The following NEBL variants were observed in gnomAD, a reference collection of about 807,000 sequenced individuals.
NEBL encodes the protein LIM and SH3 protein 2.
Under a neutral mutation model 140.2 loss-of-function variants are expected in NEBL, and 122 were observed. That is an observed-to-expected ratio of 0.87 (90% CI 0.75 to 1.01). The LOEUF (loss-of-function observed/expected upper bound fraction) is 1.01, where lower values mean the gene tolerates loss of function less well. NEBL is among the 50% of genes least tolerant of loss of function. The pLI, the probability that NEBL is intolerant of heterozygous loss-of-function variation, is 0.00. For synonymous variants in NEBL, 436 were observed against 398.9 expected (o/e 1.09, Z -1.11); for missense variants, 1,365 against 1,231.3 (o/e 1.11, Z -1.62).
chr10:21,070,102 C>G (rs1342963549), intron 2 of NEBL: 1 of 409,814 alleles, frequency 2.4e-6, no homozygotes, highest in African/African-American at 2.1e-5. Flanking sequence ...CCACTAGTAG[C>G]TGCAGGGGGA....
rs145937610 is a variant in NEBL at position 20,904,369 on chromosome 10, A to G, written c.357+57303T>C. 5.0e-3 allele frequency among the ~76,000 whole-genome samples: 769 copies of G among 152,296 alleles called. 6 individuals are homozygous for G. The highest frequency in any genetic ancestry group is 0.018 in the African/African-American group (739 of 41,580). ...TAAGGTCTTATGGGTACCCTCATTTATTAATGAGTTAAAAATCTTTGAAAC... is the reference window on the plus strand; with the variant it reads ...TAAGGTCTTATGGGTACCCTCATTTGTTAATGAGTTAAAAATCTTTGAAAC... On this transcript the variant is annotated intron_variant, in intron 4 of 6. Coordinates refer to the NEBL transcript ENST00000417816.
intron 2 of NEBL, among the ~76,000 whole-genome samples, chr10:21,033,872 T>TA (rs1833903277): frequency 6.6e-6 from 1 of 152,036 alleles, no homozygotes; most frequent in Admixed American, 6.6e-5. Context: ...ATTATTTCTT[T>TA]AAAAAACACC....
At chr10:21,169,097 T>A (rs867444316) in intron 2 of NEBL, among the ~76,000 whole-genome samples, 4 of 119,224 alleles carry the variant, frequency 3.4e-5, no homozygotes, top group African/African-American at 9.2e-5. Flanking sequence ...TATATATATA[T>A]ATATATATAT....
chr10:20,970,481 C>T (rs755327739), intron 3 of NEBL, among the ~76,000 whole-genome samples: 3 of 151,628 alleles, frequency 2.0e-5, no homozygotes, highest in Admixed American at 6.6e-5. Context: ...TCTGCTCCCC[C>T]CACCAAAAAA....
chr10:21,083,052 G>A (rs1007635748), intron 2 of NEBL, among the ~76,000 whole-genome samples: 3 of 152,264 alleles, frequency 2.0e-5, no homozygotes, highest in African/African-American at 4.8e-5. Flanking sequence ...GTAAGCCAGC[G>A]CACTTGACCT....
At chr10:20,908,839 G>C (rs1285003244) in intron 4 of NEBL, among the ~76,000 whole-genome samples, 2 of 151,976 alleles carry the variant, frequency 1.3e-5, no homozygotes, top group African/African-American at 2.4e-5. Flanking sequence ...TTTTTAAATG[G>C]GCATTTCAAG....
intron 4 of NEBL, among the ~76,000 whole-genome samples, chr10:20,913,168 G>T (rs1407195964): frequency 1.3e-5 from 2 of 152,164 alleles, no homozygotes; most frequent in Non-Finnish European, 2.9e-5. Flanking sequence ...CTGCACAAAG[G>T]TCATGATTAG....
chr10:20,799,436 G>T (rs989428687), intron 26 of NEBL, among the ~76,000 whole-genome samples: 1 of 152,150 alleles, frequency 6.6e-6, no homozygotes, highest in South Asian at 2.1e-4. Context: ...GATTGCAGGC[G>T]TGCCCGGTTC....
At chr10:21,123,916 T>G (rs560292198) in intron 2 of NEBL, among the ~76,000 whole-genome samples, 6 of 151,814 alleles carry the variant, frequency 4.0e-5, no homozygotes, top group Non-Finnish European at 8.8e-5. Flanking sequence ...TTTTTTTTAA[T>G]TTTTGTCTTC....
intron 2 of NEBL, among the ~76,000 whole-genome samples, chr10:20,893,560 A>AAAACG (rs1321394796): frequency 2.6e-5 from 4 of 152,160 alleles, no homozygotes; most frequent in Non-Finnish European, 5.9e-5. Flanking sequence ...CCCAAAGTGA[A>AAAACG]GCCACTTGAC....
intron 2 of NEBL, among the ~76,000 whole-genome samples, chr10:21,060,055 C>T (rs45600533): frequency 1.3e-5 from 2 of 152,200 alleles, no homozygotes; most frequent in Non-Finnish European, 2.9e-5. Flanking sequence ...CTGTGACACT[C>T]TCTTCACTAT....
At chr10:20,972,246 T>C (rs1236597786) in intron 3 of NEBL, among the ~76,000 whole-genome samples, 1 of 152,186 alleles carries the variant, frequency 6.6e-6, no homozygotes, top group Non-Finnish European at 1.5e-5. Context: ...AAGTGACAGA[T>C]TATTCCTCAA....
intron 17 of NEBL, among the ~76,000 whole-genome samples, chr10:20,827,317 A>C (rs1839971444): frequency 6.6e-6 from 1 of 152,162 alleles, no homozygotes. Flanking sequence ...ATAGAATCAC[A>C]CAGCCTCTTT....
chr10:21,261,801 A>G (rs1016059335), intron 1 of NEBL, among the ~76,000 whole-genome samples: 7 of 152,172 alleles, frequency 4.6e-5, no homozygotes, highest in African/African-American at 1.7e-4. Flanking sequence ...CTACCTTTAA[A>G]ATAAAGAGAT....
intron 2 of NEBL, among the ~76,000 whole-genome samples, chr10:21,140,742 G>A (rs929553260): frequency 1.3e-5 from 2 of 152,024 alleles, no homozygotes; most frequent in African/African-American, 2.4e-5. Flanking sequence ...GAATTACAAT[G>A]GGAACACATG....
At chr10:20,968,827 G>A (rs1384011609) in intron 3 of NEBL, among the ~76,000 whole-genome samples, 1 of 152,204 alleles carries the variant, frequency 6.6e-6, no homozygotes, top group East Asian at 1.9e-4. Context: ...TTTAAAGGGA[G>A]ATGGTGAGGG....
In NEBL at chr10:20,781,817, C is replaced by T. The variant is rs1208548792; in HGVS notation, c.*3930G>A. ...ACTTCAGAGACTTTTATTTTAGCAT[C>T]CTTGTCAGTTTACATAGCTTCTTAC... On this transcript the variant is annotated 3_prime_UTR_variant, in exon 28 of 28. Transcript: ENST00000377122. 1 of 152,556 alleles carries T rather than the reference C, an allele frequency of 6.6e-6. No individual in the cohort carries two copies. The highest frequency in any genetic ancestry group is 1.5e-5 in the Non-Finnish European group (1 of 68,022). The allele number at this position is 152,556 out of a possible 1,614,324, so 9.5% of individuals were successfully genotyped here.
intron 3 of NEBL, among the ~76,000 whole-genome samples, chr10:20,962,436 G>T (rs1836095608): frequency 6.6e-6 from 1 of 152,236 alleles, no homozygotes; most frequent in Non-Finnish European, 1.5e-5. Context: ...AGATTAAAAA[G>T]CTGCTCACAC....
chr10:21,240,736 C>T (rs1842427771), intron 3 of NEBL, among the ~76,000 whole-genome samples: 1 of 152,098 alleles, frequency 6.6e-6, no homozygotes, highest in Non-Finnish European at 1.5e-5. Flanking sequence ...AATGATGTTA[C>T]AAGTTCAGAA....
Sources: allele counts gnomAD v4.1 joint callset (sites outside exome capture counted in the v4.1 genomes callset), GRCh38; gene constraint gnomAD v4.1.1; transcripts MANE v1.5; gene names NCBI Gene and HGNC (gene_info 2026-07-23, HGNC 2026-07-21).